Variants in NTN1 observed in about 807,000 individuals in gnomAD.
NTN1 encodes the protein netrin-1.
A neutral mutation model predicts 54.2 loss-of-function variants in NTN1; 11 were observed. The ratio of observed to expected loss-of-function variants is 0.20; its 90% CI spans 0.13 to 0.34. NTN1 has a LOEUF of 0.34. NTN1 is among the 10% of genes least tolerant of loss of function. The probability of loss-of-function intolerance (pLI) is 1.00; values close to 1 mark genes in which losing one functional copy is unlikely to be tolerated. For missense variants in NTN1, 740 were observed against 893.1 expected (o/e 0.83, Z 2.18); for synonymous variants, 371 against 382.0 (o/e 0.97, Z 0.33).
At chr17:9,150,915 G>A (rs1480706620) in intron 2 of NTN1, among the ~76,000 whole-genome samples, 1 of 152,214 alleles carries the variant, frequency 6.6e-6, no homozygotes. Context: ...GGCCTGGGCT[G>A]TGCTTTTTGG....
chr17:9,156,217 C>T (rs1205244932), intron 2 of NTN1, among the ~76,000 whole-genome samples: 3 of 150,720 alleles, frequency 2.0e-5, no homozygotes, highest in Admixed American at 6.6e-5. Flanking sequence ...CTGCAGCCTG[C>T]GATGGTGCCT....
At chr17:9,101,908 C>T (rs1399546639) in intron 2 of NTN1, among the ~76,000 whole-genome samples, 1 of 152,240 alleles carries the variant, frequency 6.6e-6, no homozygotes, top group Non-Finnish European at 1.5e-5. Context: ...AGGAAGATTG[C>T]TTGAGCCCAG....
In NTN1 at chr17:9,183,068, C is replaced by G. The variant is rs1441568646; in HGVS notation, c.1411+99C>G. On this transcript the variant is annotated intron_variant, in intron 5 of 6. Transcript: ENST00000173229. Reference sequence around the variant, plus strand: ...GGGGCATTGGAAAGCCCAGACTCCTCTAACCACTGTCCGGGCTCTGCTCCG... The same window carrying G: ...GGGGCATTGGAAAGCCCAGACTCCTGTAACCACTGTCCGGGCTCTGCTCCG... 5.7e-6 allele frequency: 7 copies of G among 1,233,262 alleles called. No individual in the cohort carries two copies. The African/African-American group carries it at 8.9e-5, about 16-fold the overall frequency. 76.4% of individuals were successfully genotyped at this position (1,233,262 alleles called of 1,614,324 possible). A position where few individuals can be genotyped will look rare whatever the true frequency, so the allele number is the denominator to read the frequency against.
intron 2 of NTN1, among the ~76,000 whole-genome samples, chr17:9,046,433 T>TA (rs751487214): frequency 5.9e-5 from 9 of 152,352 alleles, no homozygotes; most frequent in South Asian, 4.1e-4. Flanking sequence ...AACCCTCATG[T>TA]ACTGCTGGTG....
intron 2 of NTN1, among the ~76,000 whole-genome samples, chr17:9,137,473 AG>A (rs1242542644): frequency 6.6e-6 from 1 of 152,128 alleles, no homozygotes; most frequent in East Asian, 1.9e-4. Flanking sequence ...CTATCCGTGG[AG>A]GGGGGCATGT....
rs55880198 is a variant in NTN1, at chr17:9,096,366, C to CCTTTTTTTTTTTTTTTTTTTTTTT, written c.1019-66447_1019-66446insCTTTTTTTTTTTTTTTTTTTTTTT. Among the ~76,000 whole-genome samples, 9 of 91,510 alleles carry CCTTTTTTTTTTTTTTTTTTTTTTT rather than the reference C, an allele frequency of 9.8e-5. 4 individuals are homozygous for CCTTTTTTTTTTTTTTTTTTTTTTT. Among genetic ancestry groups the CCTTTTTTTTTTTTTTTTTTTTTTT allele is most frequent in the African/African-American group, 2.1e-4 (5 of 24,334 alleles). The allele number at this position is 91,510 out of a possible 152,430, so 60.0% of individuals were successfully genotyped here. On this transcript the variant is annotated intron_variant, in intron 2 of 6. Coordinates refer to ENST00000173229, the MANE Select transcript of NTN1 (RefSeq NM_004822.3). ...TGTCTTCCTGGGTTTTATGGGTAGA[C>CCTTTTTTTTTTTTTTTTTTTTTTT]TTTTTTTTTTTTTTTTTTTTTTGAG...
intron 2 of NTN1, among the ~76,000 whole-genome samples, chr17:9,058,969 T>C (rs1288396539): frequency 2.0e-5 from 3 of 152,196 alleles, no homozygotes; most frequent in Non-Finnish European, 4.4e-5. Context: ...CTTTAATGTC[T>C]GTGCATTTCA....
At chr17:9,209,764 T>A (rs1400758044) in intron 5 of NTN1, among the ~76,000 whole-genome samples, 1 of 152,160 alleles carries the variant, frequency 6.6e-6, no homozygotes, top group Non-Finnish European at 1.5e-5. Context: ...CTCACACCCA[T>A]GCTTCCTCAC....
chr17:9,162,276 C>T (rs1371737357), intron 2 of NTN1, among the ~76,000 whole-genome samples: 7 of 152,198 alleles, frequency 4.6e-5, no homozygotes, highest in East Asian at 1.9e-4. Flanking sequence ...CAAAGTGCCA[C>T]GGGCTGGGGG....
chr17:9,181,974 TTTA>T (rs1461277909), intron 4 of NTN1, among the ~76,000 whole-genome samples: 1 of 152,170 alleles, frequency 6.6e-6, no homozygotes, highest in African/African-American at 2.4e-5. Context: ...TTTTTAAATA[TTTA>T]TTATTATATA....
intron 3 of NTN1, chr17:9,176,035 G>T (rs1052714992): frequency 6.6e-6 from 1 of 152,124 alleles, no homozygotes; most frequent in Non-Finnish European, 1.5e-5. Flanking sequence ...CCCAGACCAC[G>T]TTCTCAGAGG....
intron 6 of NTN1, among the ~76,000 whole-genome samples, chr17:9,223,927 T>C (rs377145460): frequency 6.6e-6 from 1 of 151,480 alleles, no homozygotes; most frequent in Admixed American, 6.6e-5. Context: ...TGGGCTTGCT[T>C]GGGGAATGGA....
chr17:9,121,930 G>A (rs12452951), intron 2 of NTN1, among the ~76,000 whole-genome samples: 41,405 of 151,980 alleles, frequency 0.27, 6,519 homozygotes, highest in East Asian at 0.66. Context: ...CAATCTGCCA[G>A]TGCCCTTCTT....
intron 2 of NTN1, among the ~76,000 whole-genome samples, chr17:9,092,008 A>G (rs1453361197): frequency 2.0e-5 from 3 of 150,816 alleles, no homozygotes; most frequent in African/African-American, 7.3e-5. Context: ...CTCCTGCCTC[A>G]GCCTCCTGAG....
chr17:9,179,796 G>A lies in NTN1; in HGVS notation c.1208-11G>A. 1 of 1,612,218 alleles carries A rather than the reference G, an allele frequency of 6.2e-7. No homozygotes were observed. The highest frequency in any genetic ancestry group is 1.3e-5 in the African/African-American group (1 of 75,010). On this transcript the variant is annotated splice_polypyrimidine_tract_variant and intron_variant, in intron 3 of 6. Coordinates refer to ENST00000173229, the MANE Select transcript of NTN1 (RefSeq NM_004822.3). ...CCCTTGTCTGACCCTCCCATTTTGT[G>A]TTCTCTGCAGCCTGTGATTGCCACC...
In NTN1 at chr17:9,023,409, G is replaced by T; in HGVS notation, c.1018+18G>T. ...GTGCGTGGGTGAGTGGGGTGCGGCG[G>T]CGGAGCCGGCGGCGGGTGGGGCCGC... is the stretch of plus-strand genomic sequence containing the variant. On this transcript the variant is annotated intron_variant, in intron 2 of 6. Transcript: ENST00000173229. The T allele has an allele frequency of 7.4e-7, 1 of 1,351,000 alleles. No homozygotes were observed. The highest frequency in any genetic ancestry group is 9.5e-7 in the Non-Finnish European group (1 of 1,057,612). 83.7% of individuals were successfully genotyped at this position (1,351,000 alleles called of 1,614,324 possible). A position where few individuals can be genotyped will look rare whatever the true frequency, so the allele number is the denominator to read the frequency against.
intron 2 of NTN1, among the ~76,000 whole-genome samples, chr17:9,122,472 C>G (rs1462034763): frequency 1.3e-5 from 2 of 152,176 alleles, no homozygotes; most frequent in Non-Finnish European, 2.9e-5. Context: ...CAGTGCTCCT[C>G]TTAACCAGAT....
At chr17:9,125,628 G>A (rs2092244846) in intron 2 of NTN1, among the ~76,000 whole-genome samples, 1 of 151,076 alleles carries the variant, frequency 6.6e-6, no homozygotes, top group Non-Finnish European at 1.5e-5. Flanking sequence ...ATTTAAGAGA[G>A]GAGGTCTCAC....
intron 2 of NTN1, among the ~76,000 whole-genome samples, chr17:9,134,679 G>A (rs2092275696): frequency 1.3e-5 from 2 of 152,184 alleles, no homozygotes; most frequent in Admixed American, 6.5e-5. Flanking sequence ...GGTTCCAAAT[G>A]TTCAGGGCCC....
Sources: gnomAD v4.1 joint callset for allele counts (sites outside exome capture counted in the v4.1 genomes callset) on GRCh38, gnomAD v4.1.1 for gene constraint, MANE v1.5 for transcripts, NCBI Gene and HGNC (gene_info 2026-07-23, HGNC 2026-07-21) for gene names.